CTNNA2: variants seen among roughly 807,000 people sequenced by gnomAD.
The protein encoded by CTNNA2 is catenin alpha-2.
CTNNA2 carries 42 observed loss-of-function variants against 101.0 expected under a neutral mutation model. That is an observed-to-expected ratio of 0.42 (90% CI 0.32 to 0.54). The LOEUF is 0.54. Ranked by LOEUF, CTNNA2 falls within the 20% of genes least tolerant of loss-of-function variation. The pLI, the probability that CTNNA2 is intolerant of heterozygous loss-of-function variation, is 0.14. For missense variants in CTNNA2, 871 were observed against 1,223.1 expected (o/e 0.71, Z 4.29); for synonymous variants, 450 against 456.4 (o/e 0.99, Z 0.18).
intron 2 of CTNNA2, among the ~76,000 whole-genome samples, chr2:79,199,361 G>T (rs1558570995): frequency 6.6e-6 from 1 of 152,116 alleles, no homozygotes; most frequent in East Asian, 1.9e-4. Context: ...CATTGATATA[G>T]TCAGTAATTG....
At chr2:80,336,631 T>C (rs1482079385) in intron 7 of CTNNA2, among the ~76,000 whole-genome samples, 2 of 152,342 alleles carry the variant, frequency 1.3e-5, no homozygotes, top group African/African-American at 4.8e-5. Context: ...TATAGTACTT[T>C]GAGTTTTCCA....
chr2:79,663,264 A>G (rs1469420505), intron 2 of CTNNA2, among the ~76,000 whole-genome samples: 20 of 152,302 alleles, frequency 1.3e-4, no homozygotes. Flanking sequence ...CTCACTACCT[A>G]TACATTCTCT....
At chr2:79,715,205 C>CAAAAAAAAAAAAAA (rs140432724) in intron 2 of CTNNA2, among the ~76,000 whole-genome samples, 1 of 66,336 alleles carries the variant, frequency 1.5e-5, no homozygotes, top group South Asian at 5.7e-4. Flanking sequence ...AAAATTCCGT[C>CAAAAAAAAAAAAAA]AAAAAAAAAA....
chr2:79,542,806 C>T (rs1025182464), intron 1 of CTNNA2, among the ~76,000 whole-genome samples: 1 of 152,064 alleles, frequency 6.6e-6, no homozygotes, highest in Non-Finnish European at 1.5e-5. Flanking sequence ...CTCCTGTAAA[C>T]TGGTTAAAAA....
At chr2:80,377,575 G>A (rs1676077836) in intron 7 of CTNNA2, among the ~76,000 whole-genome samples, 2 of 152,206 alleles carry the variant, frequency 1.3e-5, no homozygotes. Context: ...AGGCATGTGG[G>A]AGAGCATGAA....
At chr2:79,520,396 A>G (rs1369056102) in intron 1 of CTNNA2, among the ~76,000 whole-genome samples, 4 of 152,232 alleles carry the variant, frequency 2.6e-5, no homozygotes, top group Non-Finnish European at 4.4e-5. Flanking sequence ...GATTTTGAGT[A>G]CATAAACTTC....
At chr2:80,421,291 A>C (rs1481504088) in intron 9 of CTNNA2, among the ~76,000 whole-genome samples, 1 of 152,236 alleles carries the variant, frequency 6.6e-6, no homozygotes, top group Non-Finnish European at 1.5e-5. Context: ...TTTACTGAAA[A>C]TATTCATTGA....
At chr2:79,602,491 C>T (rs1245739202) in intron 1 of CTNNA2, among the ~76,000 whole-genome samples, 1 of 152,094 alleles carries the variant, frequency 6.6e-6, no homozygotes, top group Non-Finnish European at 1.5e-5. Context: ...TTGTACTCAT[C>T]ACTGTACTTG....
At chr2:79,290,351 A>T (rs1675765111) in intron 2 of CTNNA2, among the ~76,000 whole-genome samples, 1 of 152,084 alleles carries the variant, frequency 6.6e-6, no homozygotes, top group Non-Finnish European at 1.5e-5. Flanking sequence ...TGATACTGAT[A>T]CGGGAGCGGG....
At chr2:80,158,897 T>G (rs1271616328) in intron 7 of CTNNA2, among the ~76,000 whole-genome samples, 1 of 145,200 alleles carries the variant, frequency 6.9e-6, no homozygotes, top group East Asian at 2.0e-4. Flanking sequence ...GGTGACAGAG[T>G]GAGACTCCGT....
chr2:80,322,964 G>C (rs952932968), intron 7 of CTNNA2, among the ~76,000 whole-genome samples: 1 of 152,196 alleles, frequency 6.6e-6, no homozygotes. Context: ...TGTAATTTGG[G>C]AACAGGCAAA....
At chr2:80,599,487 A>C (rs1390815271) in intron 15 of CTNNA2, among the ~76,000 whole-genome samples, 1 of 152,138 alleles carries the variant, frequency 6.6e-6, no homozygotes, top group African/African-American at 2.4e-5. Context: ...CAGCCACACA[A>C]TCTGTTATGT....
chr2:80,525,388 C>A (rs1161066275), intron 9 of CTNNA2, among the ~76,000 whole-genome samples: 1 of 151,936 alleles, frequency 6.6e-6, no homozygotes, highest in Non-Finnish European at 1.5e-5. Context: ...CTGGATTTCC[C>A]CTTCTGTGTT....
intron 2 of CTNNA2, among the ~76,000 whole-genome samples, chr2:79,236,779 A>G (rs1266374817): frequency 6.6e-6 from 1 of 152,240 alleles, no homozygotes; most frequent in African/African-American, 2.4e-5. Flanking sequence ...ATCCATAAGA[A>G]GAAAGCCCTC....
intron 7 of CTNNA2, among the ~76,000 whole-genome samples, chr2:80,244,456 A>T (rs1671175993): frequency 6.6e-6 from 1 of 152,218 alleles, no homozygotes; most frequent in African/African-American, 2.4e-5. Flanking sequence ...GCCTGGTTCT[A>T]GTCAAGCGTT....
At chr2:80,410,270 T>A (rs1281255092) in intron 8 of CTNNA2, among the ~76,000 whole-genome samples, 1 of 152,244 alleles carries the variant, frequency 6.6e-6, no homozygotes, top group East Asian at 1.9e-4. Context: ...TTAAACTGTG[T>A]CTATTCTTTC....
chr2:79,971,170 T>G (rs976949654), intron 7 of CTNNA2, among the ~76,000 whole-genome samples: 1 of 152,192 alleles, frequency 6.6e-6, no homozygotes, highest in African/African-American at 2.4e-5. Context: ...GAATTTTACC[T>G]CACTATGTCT....
chr2:79,853,901 C>T (rs1290933283), intron 3 of CTNNA2, among the ~76,000 whole-genome samples: 1 of 151,858 alleles, frequency 6.6e-6, no homozygotes, highest in Admixed American at 6.6e-5. Flanking sequence ...CTCCCGACCT[C>T]AGGTGATCCA....
chr2:80,304,050 C>G, intron 7 of CTNNA2: 1 of 436,224 alleles, frequency 2.3e-6, no homozygotes, highest in Middle Eastern at 6.0e-4. Flanking sequence ...ACGGAAAGAT[C>G]AAAGAGATGG....
Sources: gnomAD v4.1 joint callset for allele counts (sites outside exome capture counted in the v4.1 genomes callset) on GRCh38, gnomAD v4.1.1 for gene constraint, MANE v1.5 for transcripts, NCBI Gene and HGNC (gene_info 2026-07-23, HGNC 2026-07-21) for gene names.